Variants in CNTNAP2 observed in about 807,000 individuals in gnomAD.
CNTNAP2 encodes contactin-associated protein-like 2.
A neutral mutation model predicts 155.2 loss-of-function variants in CNTNAP2; 98 were observed. The ratio of observed to expected loss-of-function variants is 0.63; its 90% CI spans 0.54 to 0.75. CNTNAP2 has a LOEUF of 0.75. Among genes scored for constraint, CNTNAP2 ranks in the 30% least tolerant of loss-of-function variants. CNTNAP2 has a pLI of 0.00. For synonymous variants in CNTNAP2, 651 were observed against 631.2 expected, an observed-to-expected ratio of 1.03 and a Z score of -0.47; for missense variants, 1,727 against 1,688.1, an observed-to-expected ratio of 1.02 and a Z score of -0.40.
chr7:147,788,919 T>A (rs1199251176), intron 13 of CNTNAP2, among the ~76,000 whole-genome samples: 5 of 141,712 alleles, frequency 3.5e-5, no homozygotes, highest in Non-Finnish European at 7.8e-5. Flanking sequence ...TTTTTTTTTT[T>A]TTTGAGACAG....
At chr7:147,072,383 G>A (rs6464783) in intron 4 of CNTNAP2, among the ~76,000 whole-genome samples, 108,485 of 152,102 alleles carry the variant, frequency 0.71, 38,687 homozygotes, top group East Asian at 0.74. Flanking sequence ...TAAGCCAACA[G>A]TTTGTATGTG....
intron 1 of CNTNAP2, among the ~76,000 whole-genome samples, chr7:146,760,905 T>G (rs1276455757): frequency 6.6e-6 from 1 of 152,118 alleles, no homozygotes; most frequent in African/African-American, 2.4e-5. Context: ...AGAATATAAT[T>G]CACATTTACT....
chr7:147,341,134 C>A (rs1795755086), intron 9 of CNTNAP2, among the ~76,000 whole-genome samples: 1 of 122,256 alleles, frequency 8.2e-6, no homozygotes, highest in Admixed American at 8.5e-5. Context: ...GCTCTAGTTT[C>A]TGGGGAGAAT....
At chr7:146,946,743 C>T (rs577600333) in intron 3 of CNTNAP2, among the ~76,000 whole-genome samples, 80 of 152,098 alleles carry the variant, frequency 5.3e-4, no homozygotes, top group Admixed American at 1.4e-3. Flanking sequence ...ATTCCTGTAG[C>T]GTAAAAAGCC....
intron 15 of CNTNAP2, among the ~76,000 whole-genome samples, chr7:148,001,833 G>A (rs1343869803): frequency 3.9e-5 from 6 of 151,968 alleles, no homozygotes; most frequent in Admixed American, 3.9e-4. Context: ...ATTTTTTTCA[G>A]GTTGGTACTT....
At chr7:146,989,335 G>T (rs1798168765) in intron 3 of CNTNAP2, among the ~76,000 whole-genome samples, 1 of 152,124 alleles carries the variant, frequency 6.6e-6, no homozygotes, top group African/African-American at 2.4e-5. Flanking sequence ...CTGTGTTGGG[G>T]TGATGGGACT....
intron 21 of CNTNAP2, among the ~76,000 whole-genome samples, chr7:148,294,444 G>A (rs756582352): frequency 2.6e-4 from 40 of 152,188 alleles, no homozygotes; most frequent in Non-Finnish European, 4.6e-4. Context: ...GAAAACAAAA[G>A]AGCTCTATAA....
In CNTNAP2 at chr7:146,216,504, C is replaced by T. The variant is rs533002713; in HGVS notation, c.97+99531C>T. ...CCTGTTCCTTTTTCTTTGCACTCCC[C>T]GAAGCCAATGTTTCAGAAGCAACTG... On this transcript the variant is annotated intron_variant, in intron 1 of 23. Coordinates refer to ENST00000361727, the MANE Select transcript of CNTNAP2 (RefSeq NM_014141.6). 2.1e-4 allele frequency among the ~76,000 whole-genome samples: 32 copies of T among 152,216 alleles called. 1 individual carries two copies. Among genetic ancestry groups the T allele is most frequent in the African/African-American group, 6.5e-4 (27 of 41,530 alleles).
intron 1 of CNTNAP2, among the ~76,000 whole-genome samples, chr7:146,369,438 C>A (rs940285319): frequency 5.9e-5 from 9 of 152,240 alleles, no homozygotes; most frequent in African/African-American, 2.2e-4. Context: ...AAAGTGCATT[C>A]TTTGTCCCTT....
chr7:148,209,219 G>A (rs1405057485), intron 18 of CNTNAP2, among the ~76,000 whole-genome samples: 1 of 151,690 alleles, frequency 6.6e-6, no homozygotes, highest in Admixed American at 6.6e-5. Context: ...CCGACCTCCT[G>A]CACTCAAATG....
chr7:147,341,121 A>G (rs1475739664), intron 9 of CNTNAP2, among the ~76,000 whole-genome samples: 1 of 129,072 alleles, frequency 7.7e-6, no homozygotes, highest in Non-Finnish European at 1.7e-5. Context: ...TATTATAAAT[A>G]TAGCTCTAGT....
Position 148,172,487 on chromosome 7 carries a change from G to GA in CNTNAP2, c.3010+11dup. ...AACATTTTGCAACAAAGGTAAGGTG[G>GA]AACCCATTTCCAGAGCCACTTTTGC... On this transcript the variant is annotated intron_variant, in intron 18 of 23. Transcript: ENST00000361727. 4 of 1,612,640 alleles carry GA rather than the reference G, an allele frequency of 2.5e-6. No individual in the cohort carries two copies. The highest frequency in any genetic ancestry group is 2.5e-6 in the Non-Finnish European group (3 of 1,178,734).
In CNTNAP2 at chr7:148,293,656, A is replaced by G. The variant is rs968154029; in HGVS notation, c.3475+26530A>G. On this transcript the variant is annotated intron_variant, in intron 21 of 23. Transcript: ENST00000361727. ...TCCCTGACACATTATTAAAACACCT[A>G]GATTTTGGTAAAAGAGGAGAAGTCA... is the stretch of plus-strand genomic sequence containing the variant. Among the ~76,000 whole-genome samples the G allele has an allele frequency of 5.9e-5, 9 of 152,196 alleles. No individual in the cohort carries two copies. The East Asian group carries it at 1.7e-3, about 29-fold the overall frequency.
intron 3 of CNTNAP2, among the ~76,000 whole-genome samples, chr7:146,941,779 A>AT (rs58860898): frequency 0.013 from 1,923 of 146,154 alleles, 38 homozygotes; most frequent in African/African-American, 0.044. Context: ...TGGTTGACAG[A>AT]TTTTTTTTTT....
chr7:147,188,662 G>A (rs1408529081), intron 8 of CNTNAP2, among the ~76,000 whole-genome samples: 1 of 152,158 alleles, frequency 6.6e-6, no homozygotes, highest in Non-Finnish European at 1.5e-5. Context: ...AGTTCAAGGT[G>A]CAAAGATATT....
At chr7:148,123,633 CAGGAAGGAAGGAAGGAAGGAAGGAAGGA>C (rs35150868) in intron 16 of CNTNAP2, among the ~76,000 whole-genome samples, 2 of 118,314 alleles carry the variant, frequency 1.7e-5, no homozygotes, top group African/African-American at 6.7e-5. Context: ...GAAGGGAGAG[CAGGAAGGAAGGAAGGAAGGAAGGAAGGA>C]AGGAAGGAAG....
intron 22 of CNTNAP2, among the ~76,000 whole-genome samples, chr7:148,385,364 A>C (rs941973418): frequency 2.0e-5 from 3 of 152,260 alleles, no homozygotes; most frequent in Non-Finnish European, 4.4e-5. Context: ...AGCATTCCTA[A>C]TGCTGAAAGA....
intron 3 of CNTNAP2, among the ~76,000 whole-genome samples, chr7:146,995,730 A>G (rs888666172): frequency 7.2e-5 from 11 of 152,118 alleles, no homozygotes; most frequent in Non-Finnish European, 2.9e-5. Context: ...GACAAAATTT[A>G]ACCTACATTT....
At chr7:147,326,300 T>A (rs935920838) in intron 9 of CNTNAP2, among the ~76,000 whole-genome samples, 3 of 152,222 alleles carry the variant, frequency 2.0e-5, no homozygotes, top group Admixed American at 1.3e-4. Flanking sequence ...ATAATGTTTG[T>A]TCTTTTGTGC....
Sources: gnomAD v4.1 joint callset for allele counts (sites outside exome capture counted in the v4.1 genomes callset) on GRCh38, gnomAD v4.1.1 for gene constraint, MANE v1.5 for transcripts, NCBI Gene and HGNC (gene_info 2026-07-23, HGNC 2026-07-21) for gene names.